IPO11: variants seen among roughly 807,000 people sequenced by gnomAD.
IPO11 encodes the protein importin 11.
A neutral mutation model predicts 143.2 loss-of-function variants in IPO11; 66 were observed. The observed-to-expected ratio is 0.46, with a 90% CI of 0.38 to 0.57. The LOEUF (loss-of-function observed/expected upper bound fraction) is 0.57. Ranked by LOEUF, IPO11 falls within the 20% of genes least tolerant of loss-of-function variation. IPO11 has a pLI of 0.00. For synonymous variants in IPO11, 385 were observed against 377.8 expected (o/e 1.02, Z -0.22); for missense variants, 1,026 against 1,141.0 (o/e 0.90, Z 1.45).
intron 27 of IPO11, among the ~76,000 whole-genome samples, chr5:62,569,373 A>G (rs32156): frequency 0.09 from 13,762 of 152,194 alleles, 678 homozygotes; most frequent in East Asian, 0.14. Flanking sequence ...AGCTCTTGTG[A>G]AGGTATTTTC....
chr5:62,420,030 C>T (rs1471771726), intron 1 of IPO11, among the ~76,000 whole-genome samples: 2 of 151,976 alleles, frequency 1.3e-5, no homozygotes, highest in African/African-American at 4.8e-5. Flanking sequence ...GTGGCTCACG[C>T]CTGTAATCTT....
In IPO11 at chr5:62,504,705, C is replaced by T; in HGVS notation, c.1624+5C>T. ...CAGCTACAACTTTGAAGTTAAATAT[C>T]CTTCTGAAAATTTAAAAATACTTCA... On this transcript the variant is annotated splice_donor_5th_base_variant and intron_variant, in intron 17 of 29. Coordinates refer to ENST00000325324, the MANE Select transcript of IPO11 (RefSeq NM_016338.5). The T allele has an allele frequency of 6.8e-7, 1 of 1,476,996 alleles. No individual in the cohort carries two copies. Among genetic ancestry groups the T allele is most frequent in the Middle Eastern group, 1.8e-4 (1 of 5,524 alleles). The allele number at this position is 1,476,996 out of a possible 1,614,324, so 91.5% of individuals were successfully genotyped here. A position where few individuals can be genotyped will look rare whatever the true frequency, so the allele number is the denominator to read the frequency against.
chr5:62,618,416 T>G (rs997058505), intron 29 of IPO11, among the ~76,000 whole-genome samples: 2 of 151,972 alleles, frequency 1.3e-5, no homozygotes, highest in African/African-American at 4.8e-5. Flanking sequence ...AATACAGACA[T>G]TAGAAAAAAT....
chr5:62,415,983 G>T (rs533365423), intron 1 of IPO11, among the ~76,000 whole-genome samples: 1 of 152,046 alleles, frequency 6.6e-6, no homozygotes, highest in African/African-American at 2.4e-5. Flanking sequence ...CCTTATATTG[G>T]GTAGCTTAAA....
At chr5:62,545,336 C>G (rs1743130038) in intron 24 of IPO11, among the ~76,000 whole-genome samples, 1 of 152,116 alleles carries the variant, frequency 6.6e-6, no homozygotes, top group Non-Finnish European at 1.5e-5. Context: ...CTGACAAAAA[C>G]AAGCAATGGG....
rs187091917 is a variant in IPO11, at chr5:62,569,264, G to T, written c.2582+8007G>T. ...TACTGCCTGGATTTGGGATAGGAAT[G>T]GTATAGGCAATGAAAGACTGTTCTT... On this transcript the variant is annotated intron_variant, in intron 27 of 29. Transcript: ENST00000325324. Among the ~76,000 whole-genome samples the T allele has an allele frequency of 1.2e-4, 19 of 152,222 alleles. No individual in the cohort carries two copies. In the South Asian group the frequency reaches 2.7e-3, roughly 22 times the overall value.
chr5:62,537,965 A>G (rs1329769437), intron 24 of IPO11, among the ~76,000 whole-genome samples: 1 of 152,212 alleles, frequency 6.6e-6, no homozygotes, highest in African/African-American at 2.4e-5. Flanking sequence ...CAGCACATGT[A>G]TACATACGTA....
intron 22 of IPO11, among the ~76,000 whole-genome samples, chr5:62,531,175 T>G (rs1270130137): frequency 6.6e-6 from 1 of 152,118 alleles, no homozygotes; most frequent in African/African-American, 2.4e-5. Context: ...TCTGTTGGTG[T>G]TGTTTGTTTT....
chr5:62,623,715 C>T lies in IPO11; in HGVS notation c.2764-3439C>T, dbSNP rs578105079. On this transcript the variant is annotated intron_variant, in intron 29 of 29. Transcript: ENST00000325324. ...AGGCTAGAGTGCAGTGGCACAATCT[C>T]GGCTCACTGCAGTCTCCGCCTCCCG... Among the ~76,000 whole-genome samples the T allele has an allele frequency of 2.4e-4, 35 of 148,884 alleles. No homozygotes were observed. The East Asian group carries it at 4.6e-3, about 19-fold the overall frequency.
chr5:62,482,234 C>T (rs1319651505), intron 9 of IPO11, among the ~76,000 whole-genome samples: 1 of 152,092 alleles, frequency 6.6e-6, no homozygotes, highest in East Asian at 1.9e-4. Context: ...TTCAAAAAAC[C>T]AGCTCCTGGA....
chr5:62,457,586 T>A (rs565126029), intron 5 of IPO11, among the ~76,000 whole-genome samples: 1 of 152,234 alleles, frequency 6.6e-6, no homozygotes, highest in African/African-American at 2.4e-5. Context: ...CTTCAGAAGG[T>A]CATCGTGATG....
intron 29 of IPO11, among the ~76,000 whole-genome samples, chr5:62,603,569 A>C (rs968486648): frequency 1.3e-5 from 2 of 152,228 alleles, no homozygotes; most frequent in African/African-American, 4.8e-5. Context: ...CCAGTCCTGG[A>C]CAGGACACCA....
At chr5:62,624,005 G>C (rs749163358) in intron 29 of IPO11, among the ~76,000 whole-genome samples, 14 of 151,228 alleles carry the variant, frequency 9.3e-5, no homozygotes, top group Non-Finnish European at 1.8e-4. Flanking sequence ...TCAATTCTTA[G>C]AACTGAGGGT....
Position 62,514,364 on chromosome 5 carries a change from C to T in IPO11, c.1783-1024C>T, listed in dbSNP as rs1295584878. On this transcript the variant is annotated intron_variant, in intron 19 of 29. Transcript: ENST00000325324. ...TGGCACCTCGGGAGGCCGAGGCTGG[C>T]GGAACACTCGCGGCTAGGAGCTGGA... 7.9e-5 allele frequency among the ~76,000 whole-genome samples: 12 copies of T among 152,096 alleles called. No homozygotes were observed. In the East Asian group the frequency reaches 1.7e-3, roughly 22 times the overall value.
intron 16 of IPO11, among the ~76,000 whole-genome samples, chr5:62,500,667 C>T (rs771998027): frequency 2.6e-5 from 4 of 152,008 alleles, no homozygotes; most frequent in Non-Finnish European, 5.9e-5. Context: ...CTTCCTAATT[C>T]TTTGATTTTT....
intron 22 of IPO11, among the ~76,000 whole-genome samples, chr5:62,531,428 T>C (rs1742539916): frequency 6.6e-6 from 1 of 152,132 alleles, no homozygotes; most frequent in South Asian, 2.1e-4. Flanking sequence ...CCTCCCAGGT[T>C]CAAACTGTTC....
At chr5:62,579,582 CT>C in intron 27 of IPO11, 1 of 1,551,168 alleles carries the variant, frequency 6.4e-7, no homozygotes, top group Non-Finnish European at 8.7e-7. Context: ...ACTGCCGTAA[CT>C]TAGGCCTTTC....
chr5:62,523,430 C>T (rs1330685256), intron 20 of IPO11, among the ~76,000 whole-genome samples: 2 of 152,016 alleles, frequency 1.3e-5, no homozygotes. Context: ...GAGGAAGAAA[C>T]GTTACGATTT....
chr5:62,541,894 A>G (rs1742961543), intron 24 of IPO11, among the ~76,000 whole-genome samples: 1 of 152,130 alleles, frequency 6.6e-6, no homozygotes, highest in Admixed American at 6.5e-5. Context: ...ACAGTAGGTT[A>G]TGATTAGGAT....
Sources: gnomAD v4.1 joint callset for allele counts (sites outside exome capture counted in the v4.1 genomes callset) on GRCh38, gnomAD v4.1.1 for gene constraint, MANE v1.5 for transcripts, NCBI Gene and HGNC (gene_info 2026-07-23, HGNC 2026-07-21) for gene names.